NEGR1: variants seen among roughly 807,000 people sequenced by gnomAD.
NEGR1 encodes the protein neuronal growth regulator 1.
Under a neutral mutation model 40.9 loss-of-function variants are expected in NEGR1, and 10 were observed. The observed-to-expected ratio is 0.24, with a 90% CI of 0.15 to 0.42. The LOEUF (loss-of-function observed/expected upper bound fraction) is 0.42, where lower values mean the gene tolerates loss of function less well. NEGR1 is among the 10% of genes least tolerant of loss of function. NEGR1 has a pLI of 1.00. For missense variants in NEGR1, 352 were observed against 438.9 expected, an observed-to-expected ratio of 0.80 and a Z score of 1.77; for synonymous variants, 185 against 166.8, an observed-to-expected ratio of 1.11 and a Z score of -0.84.
At chr1:71,660,650 A>G (rs963888803) in intron 4 of NEGR1, among the ~76,000 whole-genome samples, 17 of 152,174 alleles carry the variant, frequency 1.1e-4, no homozygotes, top group African/African-American at 3.4e-4. Context: ...TAGCTGTGGA[A>G]TTCTACACAT....
chr1:71,597,464 C>CTGTGTGTGTGTGTG, intron 5 of NEGR1, among the ~76,000 whole-genome samples: 1 of 19,174 alleles, frequency 5.2e-5, no homozygotes, highest in South Asian at 3.0e-3. Flanking sequence ...CTCTCTCTCT[C>CTGTGTGTGTGTGTG]TCTCTCTCTG....
At chr1:72,266,631 A>T (rs1655647658) in intron 1 of NEGR1, among the ~76,000 whole-genome samples, 1 of 150,708 alleles carries the variant, frequency 6.6e-6, no homozygotes. Flanking sequence ...TAAATTCACT[A>T]GGTAAATACA....
At position 71,716,122 on chromosome 1, in the gene NEGR1, G is replaced by C. The variant is rs1258274515; in HGVS notation, c.536-17983C>G. ...AAGGCACCTCTTCACAGGGCAGCAG[G>C]AGAAAGAATAAGTGCCAGCAGGGGA... is the stretch of plus-strand genomic sequence containing the variant. On this transcript the variant is annotated intron_variant, in intron 3 of 6. Coordinates refer to ENST00000357731, the MANE Select transcript of NEGR1 (RefSeq NM_173808.3). Among the ~76,000 whole-genome samples the C allele has an allele frequency of 6.6e-5, 10 of 152,234 alleles. 1 individual carries two copies. The East Asian group carries it at 1.2e-3, about 18-fold the overall frequency.
At chr1:72,136,836 G>C (rs1650486657) in intron 1 of NEGR1, among the ~76,000 whole-genome samples, 1 of 151,708 alleles carries the variant, frequency 6.6e-6, no homozygotes, top group Non-Finnish European at 1.5e-5. Flanking sequence ...GAAAATTTTT[G>C]AAATCTATCC....
intron 1 of NEGR1, among the ~76,000 whole-genome samples, chr1:72,189,405 T>A (rs1313841986): frequency 1.3e-5 from 2 of 151,546 alleles, no homozygotes; most frequent in East Asian, 3.9e-4. Context: ...AATGTATCTT[T>A]CAAACCCAGC....
At chr1:72,236,541 A>C (rs1356043351) in intron 1 of NEGR1, among the ~76,000 whole-genome samples, 2 of 152,074 alleles carry the variant, frequency 1.3e-5, no homozygotes, top group African/African-American at 4.8e-5. Flanking sequence ...GAAATAAACA[A>C]TAGTTGGTCC....
intron 1 of NEGR1, among the ~76,000 whole-genome samples, chr1:72,276,244 C>T (rs1458479631): frequency 6.6e-6 from 1 of 152,042 alleles, no homozygotes; most frequent in East Asian, 1.9e-4. Flanking sequence ...CTACAACAGT[C>T]AAATGGTTCA....
At chr1:72,212,013 A>G (rs993254597) in intron 1 of NEGR1, among the ~76,000 whole-genome samples, 1 of 152,010 alleles carries the variant, frequency 6.6e-6, no homozygotes, top group Non-Finnish European at 1.5e-5. Context: ...TAGAATACAA[A>G]AACAGAGTTA....
chr1:72,225,723 T>G (rs570574213), intron 1 of NEGR1, among the ~76,000 whole-genome samples: 1 of 151,732 alleles, frequency 6.6e-6, no homozygotes, highest in East Asian at 1.9e-4. Flanking sequence ...TAATCTATCC[T>G]GATAAATAAT....
rs1649561603 is a variant in NEGR1, at chr1:71,593,069, C to T, written c.789-101G>A. On this transcript the variant is annotated intron_variant, in intron 5 of 6. Coordinates refer to ENST00000357731, the MANE Select transcript of NEGR1 (RefSeq NM_173808.3). ...TCATGGCAACCCATAGACAATTCAA[C>T]TACGCTGACGTTAGCATATAACGTG... is the stretch of plus-strand genomic sequence containing the variant. 10 of 710,212 alleles carry T rather than the reference C, an allele frequency of 1.4e-5. No individual in the cohort carries two copies. The South Asian group carries it at 1.7e-4, about 12-fold the overall frequency. The allele number at this position is 710,212 out of a possible 1,614,324, so 44.0% of individuals were successfully genotyped here.
intron 1 of NEGR1, among the ~76,000 whole-genome samples, chr1:72,018,560 G>A (rs185400706): frequency 1.2e-4 from 18 of 152,150 alleles, no homozygotes; most frequent in East Asian, 9.6e-4. Flanking sequence ...TAATTCTGCC[G>A]GGACACCAGG....
chr1:72,260,312 T>C (rs530789894), intron 1 of NEGR1, among the ~76,000 whole-genome samples: 3 of 152,236 alleles, frequency 2.0e-5, no homozygotes, highest in African/African-American at 7.2e-5. Flanking sequence ...TATTCTCTAT[T>C]GATAAGCCCA....
intron 2 of NEGR1, among the ~76,000 whole-genome samples, chr1:71,841,076 C>G (rs627751): frequency 5.5e-4 from 83 of 151,626 alleles, no homozygotes; most frequent in Admixed American, 9.9e-4. Context: ...TTCTCTCTCT[C>G]TATATATATA....
intron 3 of NEGR1, among the ~76,000 whole-genome samples, chr1:71,731,728 G>C (rs1654875304): frequency 6.6e-6 from 1 of 152,152 alleles, no homozygotes. Flanking sequence ...ATGCAACACT[G>C]ATATATTGTT....
intron 2 of NEGR1, among the ~76,000 whole-genome samples, chr1:71,868,829 TC>T (rs1425461297): frequency 6.6e-6 from 1 of 151,928 alleles, no homozygotes; most frequent in Non-Finnish European, 1.5e-5. Context: ...ATACTCTCTC[TC>T]CCCTTCCCAC....
chr1:71,708,470 A>G (rs894472232), intron 3 of NEGR1, among the ~76,000 whole-genome samples: 3 of 152,124 alleles, frequency 2.0e-5, no homozygotes, highest in East Asian at 3.9e-4. Context: ...CAAAATACCA[A>G]TAACATTCTT....
intron 6 of NEGR1, among the ~76,000 whole-genome samples, chr1:71,435,345 C>T (rs1457867894): frequency 6.6e-6 from 1 of 151,848 alleles, no homozygotes; most frequent in African/African-American, 2.4e-5. Context: ...GACTTAATGC[C>T]AGCAAAGGGT....
intron 2 of NEGR1, among the ~76,000 whole-genome samples, chr1:71,843,112 A>G (rs941919621): frequency 3.9e-5 from 6 of 152,120 alleles, no homozygotes. Flanking sequence ...ATGGCAAATG[A>G]ATGTCGTTAT....
intron 3 of NEGR1, among the ~76,000 whole-genome samples, chr1:71,732,339 C>T (rs940729321): frequency 1.3e-5 from 2 of 151,892 alleles, no homozygotes; most frequent in Non-Finnish European, 2.9e-5. Flanking sequence ...AAACAAACAA[C>T]AACAAAAAAA....
Sources: gnomAD v4.1 joint callset for allele counts (sites outside exome capture counted in the v4.1 genomes callset) on GRCh38, gnomAD v4.1.1 for gene constraint, MANE v1.5 for transcripts, NCBI Gene and HGNC (gene_info 2026-07-23, HGNC 2026-07-21) for gene names.